Variants in RNLS observed in about 807,000 individuals in gnomAD.
RNLS encodes renalase.
In RNLS, 39 loss-of-function variants were observed where a neutral mutation model predicts 39.8. The ratio of observed to expected loss-of-function variants is 0.98; its 90% confidence interval spans 0.76 to 1.28. The LOEUF is 1.28. Ranked by LOEUF, RNLS falls within the 50% of genes most tolerant of loss-of-function variation. The pLI, the probability that RNLS is intolerant of heterozygous loss-of-function variation, is 0.00. For synonymous variants in RNLS, 147 were observed against 150.7 expected (o/e 0.98, Z 0.18); for missense variants, 410 against 413.3 (o/e 0.99, Z 0.07).
At chr10:88,186,950 A>G in the RNLS span, among the ~76,000 whole-genome samples, 1 of 151,794 alleles carries the variant, frequency 6.6e-6, no homozygotes, top group Middle Eastern at 3.4e-3. Flanking sequence ...CCTGAAATAG[A>G]AAGTAATAGT....
At chr10:88,257,935 G>A in the RNLS span, among the ~76,000 whole-genome samples, 1 of 151,884 alleles carries the variant, frequency 6.6e-6, no homozygotes, top group African/African-American at 2.4e-5. Context: ...TTGTTGTAAT[G>A]CTTTTTCCTT....
chr10:88,502,595 C>G (rs1845566216), intron 4 of RNLS, among the ~76,000 whole-genome samples: 1 of 152,146 alleles, frequency 6.6e-6, no homozygotes, highest in South Asian at 2.1e-4. Flanking sequence ...AAATAAACCT[C>G]TTTTCTTTAT....
At chr10:88,180,085 G>A in the RNLS span, among the ~76,000 whole-genome samples, 3 of 152,186 alleles carry the variant, frequency 2.0e-5, no homozygotes, top group East Asian at 5.8e-4. Flanking sequence ...AACTGTTAAG[G>A]ATAGATCTTT....
intron 5 of RNLS, among the ~76,000 whole-genome samples, chr10:88,322,653 T>G (rs552304168): frequency 6.6e-6 from 1 of 152,292 alleles, no homozygotes; most frequent in South Asian, 2.1e-4. Flanking sequence ...CTTCTTTACT[T>G]TATAAATTAT....
In RNLS at chr10:88,582,235, G is replaced by T; in HGVS notation, c.191C>A (p.Thr64Asn). The T allele has an allele frequency of 6.2e-7, 1 of 1,614,076 alleles. No homozygotes were observed. The highest frequency in any genetic ancestry group is 1.1e-5 in the South Asian group (1 of 91,072). The change falls in exon 2 of 7, where the codon ACC becomes AAC. Residue 64 changes from threonine to asparagine, a missense_variant. Coordinates refer to ENST00000331772, the MANE Select transcript of RNLS (RefSeq NM_001031709.3). ...TTTTTTGGCATAATGAGGAGTGCAG[G>T]TGATGTACTGAGCACCCAAGTCAGC... ...CTADLGAQYI[T>N]CTPHYAKKHQ...
chr10:88,563,916 T>C (rs187034654), intron 4 of RNLS, among the ~76,000 whole-genome samples: 2 of 152,324 alleles, frequency 1.3e-5, no homozygotes, highest in Non-Finnish European at 2.9e-5. Flanking sequence ...AAAACTTTTC[T>C]ACATTGAAAT....
At chr10:88,523,447 A>G (rs1408563481) in intron 4 of RNLS, among the ~76,000 whole-genome samples, 1 of 152,144 alleles carries the variant, frequency 6.6e-6, no homozygotes, top group Non-Finnish European at 1.5e-5. Flanking sequence ...GTTTAAGCCT[A>G]TAAAGCAATA....
chr10:88,262,935 C>T, the RNLS span, among the ~76,000 whole-genome samples: 1 of 151,890 alleles, frequency 6.6e-6, no homozygotes, highest in Non-Finnish European at 1.5e-5. Flanking sequence ...TCTGATTTAC[C>T]CAGGCTATTT....
chr10:88,305,470 T>C (rs1304635312), intron 6 of RNLS, among the ~76,000 whole-genome samples: 1 of 152,016 alleles, frequency 6.6e-6, no homozygotes, highest in Non-Finnish European at 1.5e-5. Context: ...CAATGATGCA[T>C]ATAGGCTCAA....
chr10:88,543,443 ACTT>A (rs1434118957), intron 4 of RNLS, among the ~76,000 whole-genome samples: 1 of 152,126 alleles, frequency 6.6e-6, no homozygotes, highest in African/African-American at 2.4e-5. Flanking sequence ...TTTTTCAGTA[ACTT>A]CTTAACTGCT....
intron 4 of RNLS, among the ~76,000 whole-genome samples, chr10:88,529,926 T>C (rs538590861): frequency 6.6e-6 from 1 of 152,344 alleles, no homozygotes; most frequent in East Asian, 1.9e-4. Context: ...TTCTGATGAA[T>C]GTGTTTTTCC....
chr10:88,206,762 A>G, the RNLS span, among the ~76,000 whole-genome samples: 4 of 152,160 alleles, frequency 2.6e-5, no homozygotes, highest in African/African-American at 9.7e-5. Flanking sequence ...GCCATCGTTC[A>G]TCTTTCAATG....
intron 4 of RNLS, among the ~76,000 whole-genome samples, chr10:88,531,005 T>G: frequency 6.6e-6 from 1 of 152,064 alleles, no homozygotes; most frequent in East Asian, 1.9e-4. Flanking sequence ...AAAAAATAAT[T>G]CACTTTACAA....
chr10:88,488,546 C>CAAAA (rs3033822), intron 4 of RNLS, among the ~76,000 whole-genome samples: 27 of 78,916 alleles, frequency 3.4e-4, no homozygotes, highest in African/African-American at 5.7e-4. Flanking sequence ...AACTCCGTCT[C>CAAAA]AAAAAAAAAA....
intron 5 of RNLS, among the ~76,000 whole-genome samples, chr10:88,353,122 T>C (rs902106993): frequency 6.6e-6 from 1 of 152,228 alleles, no homozygotes. Context: ...TAGCGGTCTA[T>C]CAATTTTGCT....
intron 4 of RNLS, among the ~76,000 whole-genome samples, chr10:88,567,044 T>C (rs1443886539): frequency 6.6e-6 from 1 of 152,060 alleles, no homozygotes; most frequent in Non-Finnish European, 1.5e-5. Context: ...AACATTTCAT[T>C]TATAAAAGTT....
intron 4 of RNLS, among the ~76,000 whole-genome samples, chr10:88,467,955 C>G (rs1843306206): frequency 6.6e-6 from 1 of 152,206 alleles, no homozygotes; most frequent in Non-Finnish European, 1.5e-5. Context: ...TTGCCTTTTG[C>G]TACAGCCATT....
In RNLS at chr10:88,284,518, C is replaced by T. The variant is rs909546983; in HGVS notation, c.*836G>A. On this transcript the variant is annotated 3_prime_UTR_variant, in exon 7 of 7. Transcript: ENST00000331772. ...TTTTAAGTGCATCTATTTTCTGGTT[C>T]AGTAAATTTTTTGTTGTGTTAAATT... 12 of 985,244 alleles carry T rather than the reference C, an allele frequency of 1.2e-5. No individual in the cohort carries two copies. Among genetic ancestry groups the T allele is most frequent in the Non-Finnish European group, 1.4e-5 (12 of 829,882 alleles). The allele number at this position is 985,244 out of a possible 1,614,324, so 61.0% of individuals were successfully genotyped here. A position where few individuals can be genotyped will look rare whatever the true frequency, so the allele number is the denominator to read the frequency against.
At chr10:88,203,942 G>A in the RNLS span, among the ~76,000 whole-genome samples, 1 of 151,860 alleles carries the variant, frequency 6.6e-6, no homozygotes, top group African/African-American at 2.4e-5. Context: ...AACATTTATC[G>A]AGCACTTACC....
Sources: gnomAD v4.1 joint callset for allele counts (sites outside exome capture counted in the v4.1 genomes callset) on GRCh38, gnomAD v4.1.1 for gene constraint, MANE v1.5 for transcripts, NCBI Gene and HGNC (gene_info 2026-07-23, HGNC 2026-07-21) for gene names.